CSMD1: variants seen among roughly 807,000 people sequenced by gnomAD.
CSMD1 encodes the protein CUB and sushi domain-containing protein 1.
Under a neutral mutation model 417.5 loss-of-function variants are expected in CSMD1, and 213 were observed. That is an observed-to-expected ratio of 0.51 (90% CI 0.46 to 0.57). The LOEUF (loss-of-function observed/expected upper bound fraction) is 0.57. Among genes scored for constraint, CSMD1 ranks in the 20% least tolerant of loss-of-function variants. The pLI, the probability that CSMD1 is intolerant of heterozygous loss-of-function variation, is 0.00. For missense variants in CSMD1, 6,923 were observed against 4,529.7 expected (o/e 1.53, Z -15.17); for synonymous variants, 2,862 against 1,736.8 (o/e 1.65, Z -16.11).
At chr8:3,368,962 T>C (rs1809777047) in intron 19 of CSMD1, among the ~76,000 whole-genome samples, 2 of 152,242 alleles carry the variant, frequency 1.3e-5, no homozygotes, top group Admixed American at 6.5e-5. Context: ...TCAGATTTTA[T>C]TGAATAGATG....
chr8:3,371,417 C>G (rs1455176170), intron 18 of CSMD1, among the ~76,000 whole-genome samples: 2 of 151,590 alleles, frequency 1.3e-5, no homozygotes, highest in Admixed American at 6.6e-5. Context: ...ACAATAGTGT[C>G]TCACAAGTGA....
chr8:4,235,545 C>T (rs941455085), intron 3 of CSMD1, among the ~76,000 whole-genome samples: 3 of 152,072 alleles, frequency 2.0e-5, no homozygotes, highest in African/African-American at 7.2e-5. Flanking sequence ...ACTCAAAGTG[C>T]TCCGAATATT....
intron 3 of CSMD1, among the ~76,000 whole-genome samples, chr8:4,375,153 T>A (rs1408570197): frequency 2.0e-5 from 3 of 152,136 alleles, no homozygotes; most frequent in Non-Finnish European, 4.4e-5. Flanking sequence ...GAAAATACAG[T>A]GTTAGGGTAA....
At chr8:4,788,628 T>C in intron 1 of CSMD1, 2 of 831,300 alleles carry the variant, frequency 2.4e-6, no homozygotes, top group Non-Finnish European at 1.9e-6. Flanking sequence ...AAACTACAAA[T>C]TTCTAATTTA....
intron 10 of CSMD1, among the ~76,000 whole-genome samples, chr8:3,542,338 G>T (rs1225839613): frequency 6.6e-6 from 1 of 151,984 alleles, no homozygotes; most frequent in Non-Finnish European, 1.5e-5. Context: ...GGTTCATTCA[G>T]AATCTTCAAT....
intron 3 of CSMD1, among the ~76,000 whole-genome samples, chr8:4,343,034 C>G (rs994656350): frequency 6.6e-6 from 1 of 152,088 alleles, no homozygotes; most frequent in Non-Finnish European, 1.5e-5. Context: ...CTCCAACCCT[C>G]ATATTCAACA....
chr8:3,557,332 G>A (rs1450074869), intron 10 of CSMD1, among the ~76,000 whole-genome samples: 2 of 152,134 alleles, frequency 1.3e-5, no homozygotes, highest in East Asian at 1.9e-4. Context: ...GACCATCGCT[G>A]CCTCTCTAGT....
At chr8:4,650,163 G>A (rs183067782) in intron 1 of CSMD1, among the ~76,000 whole-genome samples, 73 of 151,972 alleles carry the variant, frequency 4.8e-4, no homozygotes, top group African/African-American at 1.6e-3. Context: ...GGCTAACACG[G>A]TGAAACCCCG....
intron 2 of CSMD1, among the ~76,000 whole-genome samples, chr8:4,446,372 A>T (rs1216038302): frequency 6.6e-6 from 1 of 151,970 alleles, no homozygotes; most frequent in Non-Finnish European, 1.5e-5. Context: ...ACATGGCAGA[A>T]CCCCAACTCC....
At chr8:4,392,019 G>C (rs1307546074) in intron 3 of CSMD1, among the ~76,000 whole-genome samples, 1 of 152,160 alleles carries the variant, frequency 6.6e-6, no homozygotes, top group Admixed American at 6.5e-5. Flanking sequence ...CTTGTGAGTG[G>C]GTAAGTGAGT....
intron 1 of CSMD1, among the ~76,000 whole-genome samples, chr8:4,721,983 C>CTT: frequency 6.6e-6 from 1 of 152,184 alleles, no homozygotes; most frequent in East Asian, 1.9e-4. Context: ...TACAAAGAAA[C>CTT]AGGAGAAGAA....
chr8:4,747,579 G>C (rs1325432322), intron 1 of CSMD1, among the ~76,000 whole-genome samples: 1 of 152,130 alleles, frequency 6.6e-6, no homozygotes, highest in African/African-American at 2.4e-5. Flanking sequence ...ATTGTCACCT[G>C]CTAAATACAC....
At chr8:3,147,461 G>C (rs970634361) in intron 40 of CSMD1, among the ~76,000 whole-genome samples, 2 of 152,198 alleles carry the variant, frequency 1.3e-5, no homozygotes, top group Non-Finnish European at 2.9e-5. Context: ...GAAGGAGTCT[G>C]ACTCCAGCAT....
At chr8:3,957,527 T>A (rs943506692) in intron 5 of CSMD1, among the ~76,000 whole-genome samples, 4 of 151,894 alleles carry the variant, frequency 2.6e-5, no homozygotes, top group East Asian at 1.9e-4. Flanking sequence ...AATAAAATTT[T>A]AAAAAAACTA....
At chr8:4,038,145 C>A (rs181342241) in intron 3 of CSMD1, among the ~76,000 whole-genome samples, 4 of 152,166 alleles carry the variant, frequency 2.6e-5, no homozygotes, top group Admixed American at 1.3e-4. Context: ...TGATTGGTGA[C>A]ACAAAGTTAT....
At chr8:3,337,778 G>C (rs977403147) in intron 23 of CSMD1, among the ~76,000 whole-genome samples, 2 of 152,162 alleles carry the variant, frequency 1.3e-5, no homozygotes, top group Non-Finnish European at 2.9e-5. Context: ...TCAGCCTATA[G>C]GGATCTGATT....
At chr8:4,903,467 G>A (rs752494) in intron 1 of CSMD1, among the ~76,000 whole-genome samples, 2 of 152,044 alleles carry the variant, frequency 1.3e-5, no homozygotes, top group Admixed American at 6.5e-5. Flanking sequence ...TACACCAATT[G>A]TACAAATGTA....
chr8:4,042,388 A>T (rs3860859), intron 3 of CSMD1, among the ~76,000 whole-genome samples: 35,028 of 152,016 alleles, frequency 0.23, 4,255 homozygotes, highest in Middle Eastern at 0.29. Context: ...TCAGCAACTT[A>T]TAGGAAGTAC....
At chr8:4,218,831 C>T (rs1800849135) in intron 3 of CSMD1, among the ~76,000 whole-genome samples, 1 of 152,132 alleles carries the variant, frequency 6.6e-6, no homozygotes, top group South Asian at 2.1e-4. Flanking sequence ...TTTATTCTGA[C>T]AATTATTTCC....
Sources: gnomAD v4.1 joint callset for allele counts (sites outside exome capture counted in the v4.1 genomes callset) on GRCh38, gnomAD v4.1.1 for gene constraint, MANE v1.5 for transcripts, NCBI Gene and HGNC (gene_info 2026-07-23, HGNC 2026-07-21) for gene names.